Variants in GLIS3 observed in about 807,000 individuals in gnomAD.
The protein encoded by GLIS3 is GLIS family zinc finger 3.
Under a neutral mutation model 78.6 loss-of-function variants are expected in GLIS3, and 53 were observed. The ratio of observed to expected loss-of-function variants is 0.67; its 90% CI spans 0.54 to 0.85. GLIS3 has a LOEUF of 0.85. GLIS3 is among the 40% of genes least tolerant of loss of function. The pLI, the probability that GLIS3 is intolerant of heterozygous loss-of-function variation, is 0.00. For missense variants in GLIS3, 1,703 were observed against 1,231.1 expected (o/e 1.38, Z -5.74); for synonymous variants, 684 against 509.9 (o/e 1.34, Z -4.60).
intron 4 of GLIS3, among the ~76,000 whole-genome samples, chr9:4,103,429 A>G (rs1317718449): frequency 6.6e-6 from 1 of 152,150 alleles, no homozygotes; most frequent in African/African-American, 2.4e-5. Context: ...CTGAGAAGAT[A>G]CATTCAGGGA....
At position 3,824,622 on chromosome 9, in the gene GLIS3, AG is replaced by A. The variant is rs1347653368; in HGVS notation, c.*3649del. On this transcript the variant is annotated 3_prime_UTR_variant, in exon 11 of 11. Transcript: ENST00000381971. ...AAATCACAAAACTATACATATTAAT[AG>A]AAAAAAGTGTACCTAATTCTTTAAA... 7 of 152,660 alleles carry A rather than the reference AG, an allele frequency of 4.6e-5. No individual in the cohort carries two copies. Among genetic ancestry groups the A allele is most frequent in the African/African-American group, 1.7e-4 (7 of 41,468 alleles). The allele number at this position is 152,660 out of a possible 1,614,324, so 9.5% of individuals were successfully genotyped here. A position where few individuals can be genotyped will look rare whatever the true frequency, so the allele number is the denominator to read the frequency against.
rs1240085691 is a variant in GLIS3, at chr9:3,825,733, A to G, written c.*2539T>C. On this transcript the variant is annotated 3_prime_UTR_variant, in exon 11 of 11. Coordinates refer to ENST00000381971, the MANE Select transcript of GLIS3 (RefSeq NM_001042413.2). The stretch of plus-strand genomic sequence containing the variant: ...TCTCGAATCTAAGCATAGTGTGTGT[A>G]GTCTGGAAGGCATCTGAACGTGTCC... 1 of 152,256 alleles carries G rather than the reference A, an allele frequency of 6.6e-6. No individual in the cohort carries two copies. Among genetic ancestry groups the G allele is most frequent in the African/African-American group, 2.4e-5 (1 of 41,464 alleles). The allele number at this position is 152,256 out of a possible 1,614,324, so 9.4% of individuals were successfully genotyped here.
At chr9:4,086,791 G>A (rs981887167) in intron 4 of GLIS3, among the ~76,000 whole-genome samples, 2 of 152,214 alleles carry the variant, frequency 1.3e-5, no homozygotes, top group African/African-American at 4.8e-5. Context: ...TAACTAGAGA[G>A]AGCCATGAAC....
At chr9:4,279,166 G>A (rs980567718) in intron 2 of GLIS3, among the ~76,000 whole-genome samples, 9 of 151,542 alleles carry the variant, frequency 5.9e-5, no homozygotes, top group Admixed American at 5.9e-4. Flanking sequence ...GGGCGTGGTG[G>A]CAGGCACCTG....
intron 1 of GLIS3, among the ~76,000 whole-genome samples, chr9:4,289,243 T>C (rs1454976463): frequency 6.6e-6 from 1 of 152,172 alleles, no homozygotes; most frequent in Non-Finnish European, 1.5e-5. Context: ...TTACGGCCTC[T>C]TGAAATTCTG....
At position 4,262,720 on chromosome 9, in the gene GLIS3, G is replaced by C. The variant is rs573030378; in HGVS notation, c.388+23318C>G. 1.8e-3 allele frequency among the ~76,000 whole-genome samples: 271 copies of C among 152,052 alleles called. 1 individual carries two copies. The highest frequency in any genetic ancestry group is 3.3e-3 in the Non-Finnish European group (222 of 67,972). The stretch of plus-strand genomic sequence containing the variant: ...GGCACTATGCAGCTTTTCTAACTTT[G>C]GAATTAGATGGGATTCTGCCACCCC... On this transcript the variant is annotated intron_variant, in intron 2 of 10. Transcript: ENST00000381971.
chr9:4,002,560 C>G (rs1230312924), intron 4 of GLIS3, among the ~76,000 whole-genome samples: 1 of 152,144 alleles, frequency 6.6e-6, no homozygotes, highest in African/African-American at 2.4e-5. Context: ...CCTTTATACT[C>G]TGATTTGTAT....
At chr9:4,217,044 A>C (rs760465917) in intron 2 of GLIS3, among the ~76,000 whole-genome samples, 14 of 152,214 alleles carry the variant, frequency 9.2e-5, no homozygotes, top group Non-Finnish European at 1.9e-4. Context: ...TCCAAGAGTC[A>C]TGGTTCCAAA....
chr9:4,471,354 T>C, the GLIS3 span, among the ~76,000 whole-genome samples: 1 of 152,158 alleles, frequency 6.6e-6, no homozygotes, highest in East Asian at 1.9e-4. Flanking sequence ...AAATTCAAAC[T>C]ATACTGCCAG....
intron 9 of GLIS3, among the ~76,000 whole-genome samples, chr9:3,830,612 AAAG>A (rs1367010507): frequency 6.6e-6 from 1 of 152,168 alleles, no homozygotes; most frequent in Non-Finnish European, 1.5e-5. Context: ...TGATGGAAAA[AAAG>A]GGATTAATAG....
intron 4 of GLIS3, among the ~76,000 whole-genome samples, chr9:3,967,349 G>A (rs572715987): frequency 6.6e-6 from 1 of 151,950 alleles, no homozygotes; most frequent in African/African-American, 2.4e-5. Flanking sequence ...ACTAAAAATA[G>A]AAAATTAGCC....
chr9:4,426,753 G>A, the GLIS3 span, among the ~76,000 whole-genome samples: 1 of 152,204 alleles, frequency 6.6e-6, no homozygotes, highest in Non-Finnish European at 1.5e-5. Context: ...CCTTGTGGAT[G>A]TTTAACTTTT....
the GLIS3 span, among the ~76,000 whole-genome samples, chr9:4,416,277 AAAG>A: frequency 6.7e-6 from 1 of 149,460 alleles, no homozygotes; most frequent in Non-Finnish European, 1.5e-5. Flanking sequence ...AAAAAAAAAA[AAAG>A]CATGCAAATT....
chr9:4,418,530 G>A, the GLIS3 span, among the ~76,000 whole-genome samples: 1 of 152,024 alleles, frequency 6.6e-6, no homozygotes, highest in Non-Finnish European at 1.5e-5. Context: ...GAAGCCCCGT[G>A]TCTACTAAAA....
rs549137671 is a variant in GLIS3 at position 4,248,876 on chromosome 9, A to T, written c.388+37162T>A. On this transcript the variant is annotated intron_variant, in intron 2 of 10. Transcript: ENST00000381971. Reference sequence around the variant, plus strand: ...TTTTTTTCATGTTTGTTGGCCACATAAATGTCTTCTTTTGAGAAGTGTCTG... The same window carrying T: ...TTTTTTTCATGTTTGTTGGCCACATTAATGTCTTCTTTTGAGAAGTGTCTG... 2.6e-5 allele frequency among the ~76,000 whole-genome samples: 4 copies of T among 152,274 alleles called. No homozygotes were observed. In the East Asian group the frequency reaches 7.7e-4, roughly 29 times the overall value.
chr9:4,347,074 G>A (rs1423349578), intron 2 of GLIS3: 1 of 152,384 alleles, frequency 6.6e-6, no homozygotes, highest in Non-Finnish European at 1.5e-5. Flanking sequence ...AGGTTTATTT[G>A]ACTCACGGTT....
chr9:4,456,360 A>G, the GLIS3 span, among the ~76,000 whole-genome samples: 246 of 152,312 alleles, frequency 1.6e-3, 5 homozygotes, highest in East Asian at 0.036. Flanking sequence ...TAAAACAACA[A>G]TGAAGTTGCT....
intron 4 of GLIS3, among the ~76,000 whole-genome samples, chr9:3,960,370 T>C (rs952363827): frequency 1.3e-5 from 2 of 152,218 alleles, no homozygotes; most frequent in African/African-American, 4.8e-5. Flanking sequence ...CAGTTTGTGG[T>C]ACTTTGTTAT....
the GLIS3 span, among the ~76,000 whole-genome samples, chr9:4,367,745 G>C: frequency 6.6e-6 from 1 of 150,714 alleles, no homozygotes; most frequent in South Asian, 2.1e-4. Context: ...TTTATTGAGA[G>C]AATACATTTG....
Sources: gnomAD v4.1 joint callset for allele counts (sites outside exome capture counted in the v4.1 genomes callset) on GRCh38, gnomAD v4.1.1 for gene constraint, MANE v1.5 for transcripts, NCBI Gene and HGNC (gene_info 2026-07-23, HGNC 2026-07-21) for gene names.